SH3PXD2B: variants seen among roughly 807,000 people sequenced by gnomAD.
SH3PXD2B encodes the protein SH3 and PX domains 2B, also known as SH3 and PX domain-containing protein 2B.
SH3PXD2B carries 37 observed loss-of-function variants against 73.1 expected under a neutral mutation model. The ratio of observed to expected loss-of-function variants is 0.51; its 90% confidence interval spans 0.39 to 0.67. SH3PXD2B has a LOEUF of 0.67. SH3PXD2B is among the 30% of genes least tolerant of loss of function. The pLI is 0.00. For synonymous variants in SH3PXD2B, 457 were observed against 480.5 expected, an observed-to-expected ratio of 0.95 and a Z score of 0.64; for missense variants, 1,053 against 1,197.8, an observed-to-expected ratio of 0.88 and a Z score of 1.78.
rs965329420 is a variant in SH3PXD2B, at chr5:172,336,949, C to T, written c.*1420G>A. On this transcript the variant is annotated 3_prime_UTR_variant, in exon 13 of 13. Coordinates refer to ENST00000311601, the MANE Select transcript of SH3PXD2B (RefSeq NM_001017995.3). ...AAACATTACAAATGCCGGAGAGGCACAGGAAGCAGCTCTGCCTGGCCCTTG... is the reference window on the plus strand; with the variant it reads ...AAACATTACAAATGCCGGAGAGGCATAGGAAGCAGCTCTGCCTGGCCCTTG... The T allele has an allele frequency of 5.1e-6, 5 of 985,474 alleles. No individual in the cohort carries two copies. The African/African-American group carries it at 8.7e-5, about 17-fold the overall frequency. The allele number at this position is 985,474 out of a possible 1,614,324, so 61.0% of individuals were successfully genotyped here.
At chr5:172,382,665 A>G (rs913959065) in intron 4 of SH3PXD2B, among the ~76,000 whole-genome samples, 5 of 152,174 alleles carry the variant, frequency 3.3e-5, no homozygotes, top group Non-Finnish European at 7.3e-5. Flanking sequence ...CATACTGTAC[A>G]TGCTATTTAG....
chr5:172,425,579 C>A (rs115017208), intron 1 of SH3PXD2B, among the ~76,000 whole-genome samples: 29 of 152,040 alleles, frequency 1.9e-4, no homozygotes, highest in African/African-American at 7.0e-4. Flanking sequence ...GTGTGAGGAA[C>A]AGGAGAGTAT....
chr5:172,342,984 C>G (rs184012692), intron 12 of SH3PXD2B, among the ~76,000 whole-genome samples: 2 of 152,348 alleles, frequency 1.3e-5, no homozygotes, highest in Non-Finnish European at 2.9e-5. Context: ...CCACGTGCCT[C>G]AGATTCCACA....
intron 3 of SH3PXD2B, among the ~76,000 whole-genome samples, chr5:172,398,148 G>T (rs1331239902): frequency 6.6e-6 from 1 of 152,240 alleles, no homozygotes; most frequent in East Asian, 1.9e-4. Flanking sequence ...GCAAGTGGCG[G>T]ATGGTAACCA....
At chr5:172,446,997 G>A (rs1027904714) in intron 1 of SH3PXD2B, among the ~76,000 whole-genome samples, 1 of 152,216 alleles carries the variant, frequency 6.6e-6, no homozygotes. Context: ...CTGAAGGCTG[G>A]TGCCTGCCTC....
At chr5:172,406,497 G>T in intron 2 of SH3PXD2B, 145 bp from the exon 3 acceptor site, 1 of 876,306 alleles carries the variant, frequency 1.1e-6, no homozygotes, top group Non-Finnish European at 1.8e-6. Context: ...CCAAACTAAT[G>T]GGAAAGGCAA....
chr5:172,384,757 C>T (rs1319390484), intron 4 of SH3PXD2B, among the ~76,000 whole-genome samples: 2 of 152,186 alleles, frequency 1.3e-5, no homozygotes, highest in African/African-American at 2.4e-5. Flanking sequence ...ATTCACCTGT[C>T]GATGGACACT....
chr5:172,394,557 C>A lies in SH3PXD2B; in HGVS notation c.309+6G>T. ...GGAAGACTGCGTGGGCATTTCTCAGCCTTACCTTACAGTATTCATCAATTG... is the reference window on the plus strand; with the variant it reads ...GGAAGACTGCGTGGGCATTTCTCAGACTTACCTTACAGTATTCATCAATTG... On this transcript the variant is annotated splice_donor_region_variant and intron_variant, in intron 4 of 12. Coordinates refer to ENST00000311601, the MANE Select transcript of SH3PXD2B (RefSeq NM_001017995.3). The A allele has an allele frequency of 6.2e-7, 1 of 1,614,042 alleles. No homozygotes were observed. Among genetic ancestry groups the A allele is most frequent in the Non-Finnish European group, 8.5e-7 (1 of 1,179,936 alleles).
chr5:172,427,847 G>A (rs1348343793), intron 1 of SH3PXD2B, among the ~76,000 whole-genome samples: 5 of 150,538 alleles, frequency 3.3e-5, no homozygotes, highest in Admixed American at 2.7e-4. Context: ...GGGTGATCTC[G>A]GCTCACCGCA....
chr5:172,439,291 ACC>A (rs10553170), intron 1 of SH3PXD2B, among the ~76,000 whole-genome samples: 1,362 of 51,102 alleles, frequency 0.027, 117 homozygotes, highest in African/African-American at 0.11. Flanking sequence ...CAAAAAAAAA[ACC>A]CCAAAAAAAA....
At position 172,334,007 on chromosome 5, in the gene SH3PXD2B, T is replaced by C. The variant is rs1469475187; in HGVS notation, c.*4362A>G. ...TGGTGGGGGCACCTTCTTTTTTACA[T>C]GAATAGGACATCTAAAAGTGAAGGC... On this transcript the variant is annotated 3_prime_UTR_variant, in exon 13 of 13. Transcript: ENST00000311601. The C allele has an allele frequency of 3.4e-6, 4 of 1,188,754 alleles. No individual in the cohort carries two copies. The highest frequency in any genetic ancestry group is 3.2e-5 in the African/African-American group (2 of 61,956). 73.6% of individuals were successfully genotyped at this position (1,188,754 alleles called of 1,614,324 possible).
In SH3PXD2B at chr5:172,382,172, T is replaced by C. The variant is rs1757963751; in HGVS notation, c.310-45A>G. On this transcript the variant is annotated intron_variant, in intron 4 of 12. Transcript: ENST00000311601. ...GTGAGTGCAAAGGAGGAGAGGGGGC[T>C]GAGCATGGTGGCACGCGCCTATAAT... is the stretch of plus-strand genomic sequence containing the variant. The C allele has an allele frequency of 2.0e-6, 3 of 1,485,024 alleles. No homozygotes were observed. In the South Asian group the frequency reaches 3.7e-5, roughly 18 times the overall value. The allele number at this position is 1,485,024 out of a possible 1,614,324, so 92.0% of individuals were successfully genotyped here. A position where few individuals can be genotyped will look rare whatever the true frequency, so the allele number is the denominator to read the frequency against.
intron 12 of SH3PXD2B, among the ~76,000 whole-genome samples, chr5:172,343,965 A>G (rs187203209): frequency 3.6e-4 from 54 of 151,176 alleles, no homozygotes; most frequent in African/African-American, 1.3e-3. Context: ...ACATGCTGAT[A>G]GAAAAAAAAA....
intron 3 of SH3PXD2B, among the ~76,000 whole-genome samples, chr5:172,399,513 G>A (rs546323620): frequency 1.7e-4 from 26 of 152,252 alleles, no homozygotes; most frequent in African/African-American, 3.9e-4. Context: ...AAAGACGTCC[G>A]CGTCAGAGAC....
intron 1 of SH3PXD2B, among the ~76,000 whole-genome samples, chr5:172,427,401 G>A (rs2113474520): frequency 6.6e-6 from 1 of 152,196 alleles, no homozygotes; most frequent in Middle Eastern, 3.4e-3. Context: ...GGTGGAGTAT[G>A]GTGGTGTGAT....
At chr5:172,371,011 G>C (rs1260167423) in intron 6 of SH3PXD2B, among the ~76,000 whole-genome samples, 2 of 152,218 alleles carry the variant, frequency 1.3e-5, no homozygotes, top group African/African-American at 4.8e-5. Context: ...AAATATGAGA[G>C]AAGAGGGGAT....
intron 4 of SH3PXD2B, among the ~76,000 whole-genome samples, chr5:172,384,398 C>T (rs1425293270): frequency 4.6e-5 from 7 of 152,100 alleles, no homozygotes; most frequent in Admixed American, 3.3e-4. Flanking sequence ...TCAAGTGTAC[C>T]GTACGGTGCA....
chr5:172,384,587 T>C (rs1192320309), intron 4 of SH3PXD2B, among the ~76,000 whole-genome samples: 1 of 152,140 alleles, frequency 6.6e-6, no homozygotes, highest in Admixed American at 6.5e-5. Flanking sequence ...AGGTAGCTCA[T>C]ATAAGTGGAA....
intron 1 of SH3PXD2B, among the ~76,000 whole-genome samples, chr5:172,438,568 C>T (rs1160705723): frequency 6.6e-6 from 1 of 152,200 alleles, no homozygotes; most frequent in Non-Finnish European, 1.5e-5. Flanking sequence ...ATGAACAGCT[C>T]TATTGCCAAG....
Sources: gnomAD v4.1 joint callset for allele counts (sites outside exome capture counted in the v4.1 genomes callset) on GRCh38, gnomAD v4.1.1 for gene constraint, MANE v1.5 for transcripts, NCBI Gene and HGNC (gene_info 2026-07-23, HGNC 2026-07-21) for gene names.